Variants in TMEM132D observed in about 807,000 individuals in gnomAD.
TMEM132D encodes transmembrane protein 132D.
Under a neutral mutation model 62.3 loss-of-function variants are expected in TMEM132D, and 21 were observed. That is an observed-to-expected ratio of 0.34 (90% CI 0.24 to 0.49). TMEM132D has a LOEUF of 0.49. Ranked by LOEUF, TMEM132D falls within the 20% of genes least tolerant of loss-of-function variation. The probability of loss-of-function intolerance (pLI) is 0.99; values close to 1 mark genes in which losing one functional copy is unlikely to be tolerated. For missense variants in TMEM132D, 1,346 were observed against 1,402.8 expected (o/e 0.96, Z 0.65); for synonymous variants, 621 against 575.6 (o/e 1.08, Z -1.13).
intron 1 of TMEM132D, among the ~76,000 whole-genome samples, chr12:129,819,283 A>C (rs1210893850): frequency 1.3e-5 from 2 of 152,118 alleles, no homozygotes; most frequent in African/African-American, 4.8e-5. Context: ...TGGATTCATG[A>C]GAGGATCAAA....
chr12:129,313,160 C>CATTTTATTTT (rs141746214), intron 4 of TMEM132D, among the ~76,000 whole-genome samples: 1 of 151,708 alleles, frequency 6.6e-6, no homozygotes, highest in African/African-American at 2.4e-5. Context: ...AAGAGACATA[C>CATTTTATTTT]ATTTTATTTT....
At chr12:129,741,129 A>T (rs1343085268) in intron 1 of TMEM132D, among the ~76,000 whole-genome samples, 1 of 152,204 alleles carries the variant, frequency 6.6e-6, no homozygotes, top group Non-Finnish European at 1.5e-5. Context: ...ATTCTGACAG[A>T]TGTTACTTCA....
intron 2 of TMEM132D, among the ~76,000 whole-genome samples, chr12:129,591,878 G>A (rs1878200477): frequency 6.6e-6 from 1 of 152,164 alleles, no homozygotes; most frequent in South Asian, 2.1e-4. Flanking sequence ...GCACAAGAAT[G>A]AGTAGCAATT....
intron 5 of TMEM132D, among the ~76,000 whole-genome samples, chr12:129,156,210 C>T (rs1877240556): frequency 6.6e-6 from 1 of 151,758 alleles, no homozygotes; most frequent in African/African-American, 2.4e-5. Flanking sequence ...CGATAACTAA[C>T]TCATCCCCAA....
At chr12:129,693,991 G>A (rs1231506169) in intron 2 of TMEM132D, among the ~76,000 whole-genome samples, 2 of 152,168 alleles carry the variant, frequency 1.3e-5, no homozygotes, top group African/African-American at 2.4e-5. Flanking sequence ...CATCTTTGCT[G>A]TCTCATCCTT....
chr12:129,445,629 C>T (rs911467750), intron 3 of TMEM132D, among the ~76,000 whole-genome samples: 29 of 152,064 alleles, frequency 1.9e-4, no homozygotes, highest in African/African-American at 5.6e-4. Flanking sequence ...TCCAGCTGTG[C>T]CTGAAGCCCC....
At chr12:129,349,682 T>C (rs1869804523) in intron 3 of TMEM132D, among the ~76,000 whole-genome samples, 1 of 152,174 alleles carries the variant, frequency 6.6e-6, no homozygotes, top group African/African-American at 2.4e-5. Context: ...GATCGGCAAG[T>C]AGGTTATACT....
intron 3 of TMEM132D, among the ~76,000 whole-genome samples, chr12:129,455,867 T>TA (rs1221658019): frequency 6.6e-6 from 1 of 152,216 alleles, no homozygotes; most frequent in Non-Finnish European, 1.5e-5. Flanking sequence ...CAGAGAGTTT[T>TA]AATACAGGGT....
intron 3 of TMEM132D, among the ~76,000 whole-genome samples, chr12:129,401,694 G>C (rs1360008125): frequency 1.3e-5 from 2 of 152,228 alleles, no homozygotes; most frequent in African/African-American, 4.8e-5. Context: ...AAAGCACAGA[G>C]AGGTGAAGCT....
chr12:129,325,727 G>A (rs1032311335), intron 4 of TMEM132D, among the ~76,000 whole-genome samples: 11 of 152,306 alleles, frequency 7.2e-5, no homozygotes, highest in African/African-American at 2.6e-4. Context: ...CAAGAGGCAA[G>A]GAATCATTGG....
intron 2 of TMEM132D, among the ~76,000 whole-genome samples, chr12:129,688,693 T>C (rs1271584091): frequency 1.3e-5 from 2 of 151,818 alleles, no homozygotes; most frequent in Non-Finnish European, 2.9e-5. Context: ...GTGACTGTAG[T>C]GTGTGAGGTA....
At chr12:129,091,348 C>G (rs1052187195) in intron 5 of TMEM132D, among the ~76,000 whole-genome samples, 6 of 151,540 alleles carry the variant, frequency 4.0e-5, no homozygotes, top group African/African-American at 1.2e-4. Flanking sequence ...CTATCCTCAC[C>G]TGGGCTCTGG....
At chr12:129,571,124 G>T (rs1877500769) in intron 2 of TMEM132D, among the ~76,000 whole-genome samples, 2 of 152,220 alleles carry the variant, frequency 1.3e-5, no homozygotes, top group African/African-American at 4.8e-5. Flanking sequence ...CCATTTGAAT[G>T]TAGCCAAAGG....
At chr12:129,184,698 G>A (rs946459780) in intron 5 of TMEM132D, among the ~76,000 whole-genome samples, 3 of 152,290 alleles carry the variant, frequency 2.0e-5, no homozygotes, top group East Asian at 1.9e-4. Flanking sequence ...TTCTTTGTTC[G>A]GTGTTCCTGT....
intron 2 of TMEM132D, among the ~76,000 whole-genome samples, chr12:129,532,177 T>A (rs1032250548): frequency 6.6e-6 from 1 of 152,240 alleles, no homozygotes; most frequent in Non-Finnish European, 1.5e-5. Context: ...TTTCTCTTAG[T>A]CCCTCAGCGG....
rs551254872 is a variant in TMEM132D at position 129,900,913 on chromosome 12, GTTTA to G, written c.79+2344_79+2347del. Among the ~76,000 whole-genome samples the G allele has an allele frequency of 9.5e-4, 144 of 152,194 alleles. 4 individuals carry two copies. In the South Asian group the frequency reaches 0.029, roughly 31 times the overall value. On this transcript the variant is annotated intron_variant, in intron 1 of 8. Transcript: ENST00000422113. ...AGAAATACAAGCAACAAAACTTTAT[GTTTA>G]TTTGTTTTTAAAAAATATCTACAAG...
chr12:129,843,678 T>C (rs900531391), intron 1 of TMEM132D, among the ~76,000 whole-genome samples: 1 of 152,112 alleles, frequency 6.6e-6, no homozygotes, highest in African/African-American at 2.4e-5. Flanking sequence ...TACATCACAT[T>C]TGTAACAACA....
chr12:129,215,241 T>C (rs1376439198), intron 4 of TMEM132D, among the ~76,000 whole-genome samples: 5 of 152,192 alleles, frequency 3.3e-5, no homozygotes, highest in Non-Finnish European at 7.3e-5. Flanking sequence ...TTCTCGCTTA[T>C]ACCACATGTT....
At chr12:129,579,182 T>C (rs181949710) in intron 2 of TMEM132D, among the ~76,000 whole-genome samples, 20 of 152,326 alleles carry the variant, frequency 1.3e-4, no homozygotes, top group African/African-American at 4.3e-4. Context: ...TCCTATTAGA[T>C]GCCTTTTGTA....
Sources: allele counts gnomAD v4.1 joint callset (sites outside exome capture counted in the v4.1 genomes callset), GRCh38; gene constraint gnomAD v4.1.1; transcripts MANE v1.5; gene names NCBI Gene and HGNC (gene_info 2026-07-23, HGNC 2026-07-21).